TAFA5: variants seen among roughly 807,000 people sequenced by gnomAD.
TAFA5 encodes chemokine-like protein TAFA-5.
Under a neutral mutation model 15.3 loss-of-function variants are expected in TAFA5, and 6 were observed. The ratio of observed to expected loss-of-function variants is 0.39; its 90% CI spans 0.21 to 0.77. The LOEUF (loss-of-function observed/expected upper bound fraction) is 0.77. Among genes scored for constraint, TAFA5 ranks in the 30% least tolerant of loss-of-function variants. The pLI is 0.41. For synonymous variants in TAFA5, 103 were observed against 80.7 expected (o/e 1.28, Z -1.48); for missense variants, 161 against 193.1 (o/e 0.83, Z 0.98).
chr22:48,684,117 T>C (rs1411639087), intron 2 of TAFA5, among the ~76,000 whole-genome samples: 1 of 151,456 alleles, frequency 6.6e-6, no homozygotes, highest in African/African-American at 2.4e-5. Flanking sequence ...CTCCTTACCA[T>C]GGAGTGAGCC....
rs535248030 is a variant in TAFA5 at position 48,692,286 on chromosome 22, G to A, written c.263-15431G>A. On this transcript the variant is annotated intron_variant, in intron 2 of 3. Transcript: ENST00000402357. The stretch of plus-strand genomic sequence containing the variant: ...AGCAAATGGGGCTGCTGAGAGTCAG[G>A]GGTCCGCTGCAGCCCTGGGCCCCTC... Among the ~76,000 whole-genome samples, 514 of 152,336 alleles carry A rather than the reference G, an allele frequency of 3.4e-3. 3 individuals are homozygous for A. Among genetic ancestry groups the A allele is most frequent in the Non-Finnish European group, 2.9e-3 (194 of 68,036 alleles).
At chr22:48,502,795 T>G (rs145029994) in intron 1 of TAFA5, among the ~76,000 whole-genome samples, 2 of 152,290 alleles carry the variant, frequency 1.3e-5, no homozygotes, top group African/African-American at 4.8e-5. Flanking sequence ...ATGCTGAGAT[T>G]ACAGGCATGA....
At chr22:48,549,790 A>G (rs1291342636) in intron 1 of TAFA5, among the ~76,000 whole-genome samples, 1 of 152,198 alleles carries the variant, frequency 6.6e-6, no homozygotes. Flanking sequence ...GCAACTGTGC[A>G]CATTGAGGAC....
intron 1 of TAFA5, among the ~76,000 whole-genome samples, chr22:48,644,003 C>T (rs1926776174): frequency 6.6e-6 from 1 of 152,252 alleles, no homozygotes; most frequent in Non-Finnish European, 1.5e-5. Flanking sequence ...CGGGACCCGT[C>T]CAGATGCGTG....
chr22:48,652,888 C>G (rs1927105672), intron 2 of TAFA5, among the ~76,000 whole-genome samples: 1 of 152,220 alleles, frequency 6.6e-6, no homozygotes, highest in African/African-American at 2.4e-5. Context: ...GGAGGCTTCC[C>G]GAGGCCATGG....
intron 1 of TAFA5, among the ~76,000 whole-genome samples, chr22:48,637,522 T>C (rs1926492927): frequency 6.6e-6 from 1 of 152,182 alleles, no homozygotes; most frequent in Non-Finnish European, 1.5e-5. Flanking sequence ...ACATCCTAAT[T>C]GATGTGCGGA....
In TAFA5 at chr22:48,742,527, G is replaced by A. The variant is rs568012068; in HGVS notation, c.391-7312G>A. Among the ~76,000 whole-genome samples, 20 of 152,006 alleles carry A rather than the reference G, an allele frequency of 1.3e-4. No individual in the cohort carries two copies. The highest frequency in any genetic ancestry group is 2.5e-4 in the Non-Finnish European group (17 of 67,954). On this transcript the variant is annotated intron_variant, in intron 3 of 3. Transcript: ENST00000402357. The surrounding 1 kb of genome is among the most constrained non-coding windows in gnomAD (Gnocchi z 6.2). The stretch of plus-strand genomic sequence containing the variant: ...GACCCGGTGGCGTGGCAGACCAGGC[G>A]ACGTGGTGGACCCGGCCGCATGGTG...
intron 1 of TAFA5, among the ~76,000 whole-genome samples, chr22:48,524,842 A>C (rs1482794020): frequency 6.6e-6 from 1 of 152,018 alleles, no homozygotes; most frequent in South Asian, 2.1e-4. Context: ...TCTTCCTTAC[A>C]CTGGCAGGAC....
At chr22:48,727,546 TGAAAG>T (rs1392327788) in intron 3 of TAFA5, among the ~76,000 whole-genome samples, 2 of 152,130 alleles carry the variant, frequency 1.3e-5, no homozygotes, top group African/African-American at 4.8e-5. Context: ...AGACCAATCA[TGAAAG>T]GAACATATCC....
At chr22:48,645,969 G>A (rs1179380509) in intron 1 of TAFA5, among the ~76,000 whole-genome samples, 2 of 151,790 alleles carry the variant, frequency 1.3e-5, no homozygotes, top group African/African-American at 4.8e-5. Context: ...TGTGTGTGTG[G>A]GCGTGCACCG....
chr22:48,686,724 G>A (rs1928365635), intron 2 of TAFA5, among the ~76,000 whole-genome samples: 1 of 152,026 alleles, frequency 6.6e-6, no homozygotes. Flanking sequence ...TTGAATGGAT[G>A]GATGGATGGT....
chr22:48,628,765 G>A (rs1001807734), intron 1 of TAFA5, among the ~76,000 whole-genome samples: 5 of 152,346 alleles, frequency 3.3e-5, no homozygotes, highest in Non-Finnish European at 5.9e-5. Context: ...AAGACAAATA[G>A]CCACTGCTGC....
intron 2 of TAFA5, among the ~76,000 whole-genome samples, chr22:48,692,852 G>T (rs532230565): frequency 6.6e-6 from 1 of 152,338 alleles, no homozygotes; most frequent in South Asian, 2.1e-4. Flanking sequence ...GCCCCGTTGG[G>T]CCCAGGCCAG....
chr22:48,544,831 A>G (rs1490377407), intron 1 of TAFA5: 1 of 471,136 alleles, frequency 2.1e-6, no homozygotes, highest in East Asian at 6.9e-5. Flanking sequence ...CTGGGGTCCC[A>G]CGCTGCCTCT....
chr22:48,544,512 G>A (rs1922586073), intron 1 of TAFA5: 2 of 367,802 alleles, frequency 5.4e-6, no homozygotes, highest in South Asian at 4.0e-5. Context: ...TGCTAATCTG[G>A]GCTTTTTTCA....
chr22:48,652,838 C>T (rs1179732120), intron 2 of TAFA5, among the ~76,000 whole-genome samples: 4 of 150,628 alleles, frequency 2.7e-5, no homozygotes, highest in Admixed American at 1.3e-4. Context: ...ATGGACATGT[C>T]GGCTTCCTTC....
At chr22:48,615,013 T>C (rs1193097592) in intron 1 of TAFA5, among the ~76,000 whole-genome samples, 1 of 152,166 alleles carries the variant, frequency 6.6e-6, no homozygotes, top group Admixed American at 6.5e-5. Context: ...TCATCCTTTT[T>C]CTTTACAATT....
chr22:48,586,050 C>T (rs1212252843), intron 1 of TAFA5, among the ~76,000 whole-genome samples: 4 of 152,244 alleles, frequency 2.6e-5, no homozygotes, highest in Non-Finnish European at 5.9e-5. Flanking sequence ...GCCCCTGCAG[C>T]CTTGTCCCCA....
chr22:48,686,602 G>A (rs1382676583), intron 2 of TAFA5, among the ~76,000 whole-genome samples: 1 of 152,258 alleles, frequency 6.6e-6, no homozygotes, highest in Non-Finnish European at 1.5e-5. Context: ...GTGTTTGGAT[G>A]TTTGGGTGAG....
Sources: gnomAD v4.1 joint callset for allele counts (sites outside exome capture counted in the v4.1 genomes callset) on GRCh38, gnomAD v4.1.1 for gene constraint, Gnocchi (gnomAD v3.1) non-coding constraint, MANE v1.5 for transcripts, NCBI Gene and HGNC (gene_info 2026-07-23, HGNC 2026-07-21) for gene names.